The following RIBC2 variants were observed in gnomAD, a reference collection of about 807,000 sequenced individuals.
The protein encoded by RIBC2 is RIB43A-like with coiled-coils protein 2.
A neutral mutation model predicts 44.3 loss-of-function variants in RIBC2; 40 were observed. The ratio of observed to expected loss-of-function variants is 0.90; its 90% CI spans 0.70 to 1.18. The LOEUF is 1.18. Ranked by LOEUF, RIBC2 falls within the 50% of genes most tolerant of loss-of-function variation. The pLI, the probability that RIBC2 is intolerant of heterozygous loss-of-function variation, is 0.00. For missense variants in RIBC2, 459 were observed against 485.5 expected (o/e 0.95, Z 0.51); for synonymous variants, 171 against 175.0 (o/e 0.98, Z 0.18).
chr22:45,422,220 C>T, intron 3 of RIBC2, 70 bp from the exon 4 acceptor site: 1 of 1,076,284 alleles, frequency 9.3e-7, no homozygotes, highest in Admixed American at 1.7e-5. Flanking sequence ...GAGGCAAAGG[C>T]ACGAACGGCC....
chr22:45,422,442 T>C (rs1602116342), intron 4 of RIBC2, 34 bp downstream of exon 4: 6 of 1,473,814 alleles, frequency 4.1e-6, no homozygotes, highest in African/African-American at 2.8e-5. Context: ...GCTCGACGAC[T>C]GGAGGGGAGG....
At chr22:45,423,318 C>T (rs1053176786) in intron 4 of RIBC2, among the ~76,000 whole-genome samples, 2 of 151,912 alleles carry the variant, frequency 1.3e-5, no homozygotes, top group Admixed American at 6.6e-5. Context: ...TCTCCCTCCC[C>T]CCACAAGGTT....
intron 5 of RIBC2, among the ~76,000 whole-genome samples, chr22:45,427,496 C>T (rs903096487): frequency 3.9e-5 from 6 of 152,120 alleles, no homozygotes; most frequent in South Asian, 2.1e-4. Context: ...TAAAGAAGAA[C>T]GAAAAATGGT....
intron 2 of RIBC2, among the ~76,000 whole-genome samples, chr22:45,415,562 T>C (rs1056278298): frequency 6.6e-6 from 1 of 151,834 alleles, no homozygotes; most frequent in African/African-American, 2.4e-5. Flanking sequence ...TGGCTTCAGA[T>C]ATCTTCAGTG....
intron 3 of RIBC2, among the ~76,000 whole-genome samples, chr22:45,420,773 G>A (rs766786990): frequency 1.2e-4 from 18 of 152,286 alleles, no homozygotes; most frequent in Admixed American, 3.9e-4. Context: ...CATCCCTGCT[G>A]TCACCCTTGT....
intron 1 of RIBC2, 102 bp downstream of exon 1, chr22:45,414,117 A>G: frequency 1.3e-6 from 2 of 1,497,888 alleles, no homozygotes; most frequent in Non-Finnish European, 8.9e-7. Context: ...CATCTGAGCC[A>G]GGAGGCAGCA....
chr22:45,427,106 T>C (rs571046356), intron 5 of RIBC2, among the ~76,000 whole-genome samples: 1 of 152,310 alleles, frequency 6.6e-6, no homozygotes, highest in East Asian at 1.9e-4. Context: ...TAGATATCTG[T>C]ATCTATTAGG....
At chr22:45,415,029 T>C (rs924095272) in intron 2 of RIBC2, among the ~76,000 whole-genome samples, 1 of 152,030 alleles carries the variant, frequency 6.6e-6, no homozygotes, top group African/African-American at 2.4e-5. Context: ...ATTCAAGGTA[T>C]TATTATTCCA....
At chr22:45,414,628 C>A (rs1454507858) in intron 2 of RIBC2, among the ~76,000 whole-genome samples, 7 of 152,182 alleles carry the variant, frequency 4.6e-5, no homozygotes, top group Admixed American at 3.3e-4. Flanking sequence ...GCATGAGCCA[C>A]GGTACCCAGC....
chr22:45,415,760 C>T (rs564654011), intron 2 of RIBC2, among the ~76,000 whole-genome samples: 25 of 152,028 alleles, frequency 1.6e-4, no homozygotes, highest in African/African-American at 5.1e-4. Flanking sequence ...AGAGCTGTGG[C>T]GCGATCTCAG....
intron 2 of RIBC2, among the ~76,000 whole-genome samples, chr22:45,415,941 C>T (rs1439820416): frequency 6.6e-6 from 1 of 152,198 alleles, no homozygotes; most frequent in Admixed American, 6.5e-5. Flanking sequence ...CTCAGGTGAT[C>T]TTCCCGCCTC....
intron 3 of RIBC2, among the ~76,000 whole-genome samples, chr22:45,421,529 GTATTATTAATAATATTAATAATAATAA>G (rs2087480588): frequency 1.6e-4 from 5 of 30,754 alleles, no homozygotes; most frequent in East Asian, 1.4e-3. Context: ...AATAATAATA[GTATTATTAATAATATTAATAATAATAA>G]TAGTATTATT....
chr22:45,414,315 T>C lies in RIBC2; in HGVS notation c.130-7T>C. The C allele has an allele frequency of 6.5e-7, 1 of 1,547,846 alleles. No individual in the cohort carries two copies. ...CTAACCCTTCTCCTCTGTTTTTCCA[T>C]TTATAGGGAGACACTGAAGCCTGGG... On this transcript the variant is annotated splice_region_variant and splice_polypyrimidine_tract_variant and intron_variant, in intron 1 of 6. Transcript: ENST00000614167.
At chr22:45,414,189 C>T in intron 1 of RIBC2, 133 bp from the exon 2 acceptor site, 2 of 1,478,542 alleles carry the variant, frequency 1.4e-6, no homozygotes, top group Admixed American at 2.6e-5. Context: ...ACCAACGGTT[C>T]TCCTCCCCTG....
At position 45,417,791 on chromosome 22, in the gene RIBC2, A is replaced by G. The variant is rs368782028; in HGVS notation, c.401A>G (p.Asn134Ser). 3.1e-6 allele frequency: 5 copies of G among 1,614,058 alleles called. No homozygotes were observed. The African/African-American group carries it at 5.3e-5, about 17-fold the overall frequency. The change falls in exon 3 of 7, where the codon AAT becomes AGT. Residue 134 changes from asparagine to serine, a missense_variant. Asn to Ser is a conservative substitution (Grantham distance 46). Coordinates refer to ENST00000614167, the MANE Select transcript of RIBC2 (RefSeq NM_015653.5). The part of the protein sequence containing the change: ...KKDLPARQSD[N>S]DVRNTISGMQ... ...GATCTTCCAGCCCGGCAGTCAGATA[A>G]TGATGTTCGGAATACGATATCAGGA...
At position 45,414,136 on chromosome 22, in the gene RIBC2, C is replaced by T. The variant is rs567601226; in HGVS notation, c.129+121C>T. 6.5e-5 allele frequency: 96 copies of T among 1,484,184 alleles called. No individual in the cohort carries two copies. The African/African-American group carries it at 1.2e-3, about 19-fold the overall frequency. 91.9% of individuals were successfully genotyped at this position (1,484,184 alleles called of 1,614,324 possible). On this transcript the variant is annotated intron_variant, in intron 1 of 6. Coordinates refer to ENST00000614167, the MANE Select transcript of RIBC2 (RefSeq NM_015653.5). ...TGAGCCAGGAGGCAGCAAACGGCCT[C>T]CTGCAGGGCCAATAATGCTCCCTCT...
intron 4 of RIBC2, among the ~76,000 whole-genome samples, chr22:45,423,319 C>A (rs1368432868): frequency 6.6e-6 from 1 of 151,966 alleles, no homozygotes; most frequent in Non-Finnish European, 1.5e-5. Flanking sequence ...CTCCCTCCCC[C>A]CACAAGGTTT....
chr22:45,417,480 A>G (rs2087435801), intron 2 of RIBC2, 122 bp from the exon 3 acceptor site: 1 of 720,944 alleles, frequency 1.4e-6, no homozygotes, highest in Non-Finnish European at 2.2e-6. Flanking sequence ...AGGCCAGGAG[A>G]CCAGCCCAGG....
intron 3 of RIBC2, among the ~76,000 whole-genome samples, chr22:45,419,201 C>T (rs565698365): frequency 8.3e-4 from 126 of 152,210 alleles, no homozygotes; most frequent in Non-Finnish European, 1.4e-3. Flanking sequence ...GGACTCTTCC[C>T]TGAATCCAGA....
Sources: gnomAD v4.1 joint callset for allele counts (sites outside exome capture counted in the v4.1 genomes callset) on GRCh38, gnomAD v4.1.1 for gene constraint, MANE v1.5 for transcripts, NCBI Gene and HGNC (gene_info 2026-07-23, HGNC 2026-07-21) for gene names.